HACD4: variants seen among roughly 807,000 people sequenced by gnomAD.
HACD4 encodes very-long-chain (3R)-3-hydroxyacyl-CoA dehydratase 4.
HACD4 carries 35 observed loss-of-function variants against 33.3 expected under a neutral mutation model. That is an observed-to-expected ratio of 1.05 (90% CI 0.80 to 1.39). The LOEUF (loss-of-function observed/expected upper bound fraction) is 1.39. Ranked by LOEUF, HACD4 falls within the 40% of genes most tolerant of loss-of-function variation. HACD4 has a pLI of 0.00. For missense variants in HACD4, 323 were observed against 276.5 expected (o/e 1.17, Z -1.19); for synonymous variants, 118 against 98.0 (o/e 1.20, Z -1.21).
chr9:21,029,562 G>T lies in HACD4; in HGVS notation c.39-164C>A, dbSNP rs533521607. ...CCAAGTACATATCAGATTTTGAAGG[G>T]AGCCATAACCTACACTACCCGCTAA... On this transcript the variant is annotated intron_variant, in intron 1 of 6. Transcript: ENST00000495827. Among the ~76,000 whole-genome samples, 5 of 152,238 alleles carry T rather than the reference G, an allele frequency of 3.3e-5. No homozygotes were observed. The South Asian group carries it at 1.0e-3, about 32-fold the overall frequency.
intron 1 of HACD4, 23 bp downstream of exon 1, chr9:21,031,530 C>T: frequency 1.4e-6 from 2 of 1,460,424 alleles, no homozygotes; most frequent in Admixed American, 2.5e-5. Flanking sequence ...CCCCTCCCCT[C>T]GGGATTCGGC....
chr9:21,027,872 C>T (rs1044263788), intron 2 of HACD4, among the ~76,000 whole-genome samples: 8 of 152,098 alleles, frequency 5.3e-5, no homozygotes, highest in South Asian at 4.1e-4. Context: ...CAGTGGCTCA[C>T]GCCTGTAATC....
intron 1 of HACD4, 138 bp downstream of exon 1, chr9:21,031,414 AG>A: frequency 1.8e-5 from 24 of 1,306,958 alleles, no homozygotes; most frequent in Non-Finnish European, 2.3e-5. Flanking sequence ...ATGAGCTCCA[AG>A]GGGTGCCTGG....
intron 4 of HACD4, among the ~76,000 whole-genome samples, chr9:21,012,320 G>T (rs1842456044): frequency 6.6e-6 from 1 of 152,080 alleles, no homozygotes; most frequent in African/African-American, 2.4e-5. Flanking sequence ...CAGATTGCTG[G>T]GCCCTACTCC....
At position 21,006,863 on chromosome 9, in the gene HACD4, T is replaced by A. The variant is rs1385729197; in HGVS notation, c.*174A>T. 2 of 617,994 alleles carry A rather than the reference T, an allele frequency of 3.2e-6. No homozygotes were observed. Among genetic ancestry groups the A allele is most frequent in the Non-Finnish European group, 5.8e-6 (2 of 344,480 alleles). 38.3% of individuals were successfully genotyped at this position (617,994 alleles called of 1,614,324 possible). A position where few individuals can be genotyped will look rare whatever the true frequency, so the allele number is the denominator to read the frequency against. On this transcript the variant is annotated 3_prime_UTR_variant, in exon 7 of 7. Transcript: ENST00000495827. The surrounding 1 kb of genome is among the most constrained non-coding windows in gnomAD (Gnocchi z 4.6). Reference sequence around the variant, plus strand: ...GAATATATATGTCTTAAAAATACAATGTGTGAAAAACATAGCCTGTTATGT... The same window carrying A: ...GAATATATATGTCTTAAAAATACAAAGTGTGAAAAACATAGCCTGTTATGT...
In HACD4 at chr9:21,005,695, T is replaced by C. The variant is rs1842253384; in HGVS notation, c.*1342A>G. On this transcript the variant is annotated 3_prime_UTR_variant, in exon 7 of 7. Coordinates refer to ENST00000495827, the MANE Select transcript of HACD4 (RefSeq NM_001010915.5). The surrounding 1 kb of genome is among the most constrained non-coding windows in gnomAD (Gnocchi z 4.0). ...GCCTGACAGCTTCCGCCTGGTGATATGGGGGTCATCCTCCTCCAACATAGT... is the reference window on the plus strand; with the variant it reads ...GCCTGACAGCTTCCGCCTGGTGATACGGGGGTCATCCTCCTCCAACATAGT... 6.6e-6 allele frequency: 1 copy of C among 152,270 alleles called. No individual in the cohort carries two copies. Among genetic ancestry groups the C allele is most frequent in the Non-Finnish European group, 1.5e-5 (1 of 68,118 alleles). 9.4% of individuals were successfully genotyped at this position (152,270 alleles called of 1,614,324 possible). A position where few individuals can be genotyped will look rare whatever the true frequency, so the allele number is the denominator to read the frequency against.
chr9:21,030,302 C>G (rs567536720), intron 1 of HACD4, among the ~76,000 whole-genome samples: 3 of 146,464 alleles, frequency 2.0e-5, no homozygotes, highest in East Asian at 2.0e-4. Flanking sequence ...GATGTGGTAA[C>G]GTATGCCTGT....
rs1842271695 is a variant in HACD4 at position 21,006,469 on chromosome 9, T to C, written c.*568A>G. On this transcript the variant is annotated 3_prime_UTR_variant, in exon 7 of 7. Coordinates refer to ENST00000495827, the MANE Select transcript of HACD4 (RefSeq NM_001010915.5). The surrounding 1 kb of genome is among the most constrained non-coding windows in gnomAD (Gnocchi z 4.6). ...TTAAGCCATTCGGTTTATGGTGTTC[T>C]ATTATAGCAACCTGAGCTAAGACAT... 6.4e-6 allele frequency: 1 copy of C among 156,496 alleles called. No individual in the cohort carries two copies. The highest frequency in any genetic ancestry group is 1.4e-5 in the Non-Finnish European group (1 of 71,440). The allele number at this position is 156,496 out of a possible 1,614,324, so 9.7% of individuals were successfully genotyped here. A position where few individuals can be genotyped will look rare whatever the true frequency, so the allele number is the denominator to read the frequency against.
At chr9:21,021,411 T>A (rs1398496067) in intron 3 of HACD4, among the ~76,000 whole-genome samples, 2 of 152,170 alleles carry the variant, frequency 1.3e-5, no homozygotes, top group Non-Finnish European at 2.9e-5. Flanking sequence ...ATAAAGGGTA[T>A]TCAATTAGGA....
At chr9:21,029,494 G>C in intron 1 of HACD4, 96 bp from the exon 2 acceptor site, 3 of 692,264 alleles carry the variant, frequency 4.3e-6, no homozygotes, top group Non-Finnish European at 7.1e-6. Context: ...ACCTGAGAAA[G>C]CAAAAGAAAA....
rs1002257362 is a variant in HACD4, at chr9:21,005,436, A to T, written c.*1601T>A. On this transcript the variant is annotated 3_prime_UTR_variant, in exon 7 of 7. Transcript: ENST00000495827. The surrounding 1 kb of genome is among the most constrained non-coding windows in gnomAD (Gnocchi z 4.0). The stretch of plus-strand genomic sequence containing the variant: ...AGATTTATGTGGGTGTGAACCACAG[A>T]CCTAATCAGCCACCCCAGCAGGAAC... 6.6e-6 allele frequency: 1 copy of T among 152,238 alleles called. No homozygotes were observed. The highest frequency in any genetic ancestry group is 1.5e-5 in the Non-Finnish European group (1 of 68,050). 9.4% of individuals were successfully genotyped at this position (152,238 alleles called of 1,614,324 possible). A position where few individuals can be genotyped will look rare whatever the true frequency, so the allele number is the denominator to read the frequency against.
rs145171316 is a variant in HACD4 at position 21,014,540 on chromosome 9, T to A, written c.383+1358A>T. ...TCCATAGAGACAGCATATGTGTAGT[T>A]TCCAGGGGCTGAGGGAAAGAGGGAG... On this transcript the variant is annotated intron_variant, in intron 4 of 6. Transcript: ENST00000495827. Among the ~76,000 whole-genome samples, 64 of 152,272 alleles carry A rather than the reference T, an allele frequency of 4.2e-4. No homozygotes were observed. In the Middle Eastern group the frequency reaches 0.01, roughly 24 times the overall value.
chr9:21,026,408 G>A (rs1161486725), intron 3 of HACD4, among the ~76,000 whole-genome samples, 188 bp downstream of exon 3: 1 of 152,240 alleles, frequency 6.6e-6, no homozygotes, highest in Non-Finnish European at 1.5e-5. Context: ...ACTGCCCTCA[G>A]TGTTTCCAAC....
chr9:21,021,477 A>T (rs1349667090), intron 3 of HACD4, among the ~76,000 whole-genome samples: 1 of 152,022 alleles, frequency 6.6e-6, no homozygotes, highest in Non-Finnish European at 1.5e-5. Context: ...TATTTAGAAA[A>T]CCCCATCGTC....
chr9:21,016,408 A>T (rs981942134), intron 3 of HACD4, among the ~76,000 whole-genome samples: 5 of 152,232 alleles, frequency 3.3e-5, no homozygotes, highest in Non-Finnish European at 7.3e-5. Flanking sequence ...TAGCCAGCAC[A>T]GTGTGTGCCA....
intron 5 of HACD4, among the ~76,000 whole-genome samples, chr9:21,009,972 T>G (rs1842372278): frequency 6.6e-6 from 1 of 152,224 alleles, no homozygotes; most frequent in African/African-American, 2.4e-5. Context: ...AATTAATAAT[T>G]CTTCCTTTTG....
At position 21,002,876 on chromosome 9, in the gene HACD4, CAGAT is replaced by C. The variant is rs1307154034; in HGVS notation, c.*4157_*4160del. ...GGATTTGGTGAACATACAGTTAAGACAGATAGTCAAAGACATCAACTTTGCGATT... is the reference window on the plus strand; with the variant it reads ...GGATTTGGTGAACATACAGTTAAGACAGTCAAAGACATCAACTTTGCGATT... On this transcript the variant is annotated 3_prime_UTR_variant, in exon 7 of 7. Transcript: ENST00000495827. 1.3e-5 allele frequency: 2 copies of C among 152,080 alleles called. No homozygotes were observed. Among genetic ancestry groups the C allele is most frequent in the African/African-American group, 2.4e-5 (1 of 41,432 alleles). The allele number at this position is 152,080 out of a possible 1,614,324, so 9.4% of individuals were successfully genotyped here.
intron 1 of HACD4, among the ~76,000 whole-genome samples, chr9:21,030,901 G>C (rs1818197127): frequency 6.6e-6 from 1 of 152,198 alleles, no homozygotes; most frequent in Non-Finnish European, 1.5e-5. Flanking sequence ...GTTCAGAAGA[G>C]TGACGGGAGT....
At chr9:21,015,165 TAA>T (rs936729721) in intron 4 of HACD4, 1 of 152,232 alleles carries the variant, frequency 6.6e-6, no homozygotes, top group Non-Finnish European at 1.5e-5. Context: ...TTAATTCAGT[TAA>T]GTTATTGACA....
Sources: allele counts gnomAD v4.1 joint callset (sites outside exome capture counted in the v4.1 genomes callset), GRCh38; gene constraint gnomAD v4.1.1; non-coding constraint Gnocchi (gnomAD v3.1); transcripts MANE v1.5; gene names NCBI Gene and HGNC (gene_info 2026-07-23, HGNC 2026-07-21).